The following EXT1 variants were observed in gnomAD, a reference collection of about 807,000 sequenced individuals.
EXT1 encodes the protein exostosin glycosyltransferase 1.
A neutral mutation model predicts 82.5 loss-of-function variants in EXT1; 20 were observed. The ratio of observed to expected loss-of-function variants is 0.24; its 90% CI spans 0.17 to 0.35. The LOEUF (loss-of-function observed/expected upper bound fraction) is 0.35, where lower values mean the gene tolerates loss of function less well. Ranked by LOEUF, EXT1 falls within the 10% of genes least tolerant of loss-of-function variation. EXT1 has a pLI of 1.00. For missense variants in EXT1, 757 were observed against 936.5 expected, an observed-to-expected ratio of 0.81 and a Z score of 2.50; for synonymous variants, 348 against 350.8, an observed-to-expected ratio of 0.99 and a Z score of 0.09.
rs1483637576 is a variant in EXT1, at chr8:117,914,502, C to T, written c.963-77301G>A. 6.7e-4 allele frequency among the ~76,000 whole-genome samples: 102 copies of T among 152,188 alleles called. 2 individuals carry two copies. ...TGGGCAAAAAGAGCCATATTTTTCT[C>T]TTTGCAGAGAGCCTATAAATGGACG... On this transcript the variant is annotated intron_variant, in intron 1 of 10. Transcript: ENST00000378204.
chr8:118,070,102 T>C (rs140733823), intron 1 of EXT1, among the ~76,000 whole-genome samples: 20 of 152,258 alleles, frequency 1.3e-4, no homozygotes, highest in Non-Finnish European at 2.8e-4. Context: ...TTCAGCAAAT[T>C]TGATTTATAC....
intron 1 of EXT1, among the ~76,000 whole-genome samples, chr8:117,888,596 C>T (rs900749675): frequency 1.3e-5 from 2 of 152,150 alleles, no homozygotes; most frequent in Non-Finnish European, 2.9e-5. Flanking sequence ...ACCCAGGAAC[C>T]TCACCATTTT....
At chr8:117,839,730 C>T (rs921120137) in intron 1 of EXT1, among the ~76,000 whole-genome samples, 1 of 152,222 alleles carries the variant, frequency 6.6e-6, no homozygotes, top group Non-Finnish European at 1.5e-5. Context: ...TTGATCCTCT[C>T]CTACTCAGCC....
intron 1 of EXT1, among the ~76,000 whole-genome samples, chr8:118,101,746 A>C (rs758856470): frequency 2.6e-5 from 4 of 152,146 alleles, no homozygotes; most frequent in Admixed American, 1.3e-4. Context: ...AACACCTACA[A>C]ATGTTTATCT....
intron 1 of EXT1, among the ~76,000 whole-genome samples, chr8:118,093,577 C>A (rs1162950338): frequency 6.6e-6 from 1 of 152,160 alleles, no homozygotes; most frequent in Non-Finnish European, 1.5e-5. Flanking sequence ...ACAGATGACC[C>A]AATGACAGCA....
intron 3 of EXT1, among the ~76,000 whole-genome samples, chr8:117,832,237 A>G (rs1812112789): frequency 6.6e-6 from 1 of 152,186 alleles, no homozygotes; most frequent in African/African-American, 2.4e-5. Context: ...TATTAGAAAA[A>G]TGCCTAAGGC....
At chr8:117,922,148 C>T (rs1441354424) in intron 1 of EXT1, among the ~76,000 whole-genome samples, 12 of 152,098 alleles carry the variant, frequency 7.9e-5, no homozygotes, top group Admixed American at 7.9e-4. Context: ...CTTCCTGAAA[C>T]TGTCATGGGC....
chr8:117,990,004 T>C (rs1244597754), intron 1 of EXT1, among the ~76,000 whole-genome samples: 5 of 151,924 alleles, frequency 3.3e-5, no homozygotes, highest in Non-Finnish European at 7.4e-5. Flanking sequence ...AAACACTGGG[T>C]CTACTAAAAA....
At chr8:117,880,101 T>A (rs1813035199) in intron 1 of EXT1, among the ~76,000 whole-genome samples, 1 of 152,188 alleles carries the variant, frequency 6.6e-6, no homozygotes, top group Non-Finnish European at 1.5e-5. Context: ...ACAACCTCTA[T>A]AACCTAAACA....
intron 1 of EXT1, among the ~76,000 whole-genome samples, chr8:117,866,793 CA>C (rs10709657): frequency 0.12 from 11,355 of 91,820 alleles, 435 homozygotes; most frequent in East Asian, 0.38. Context: ...CTGGCCTACC[CA>C]AAAAAAAAAA....
At chr8:118,039,414 G>A (rs1816485611) in intron 1 of EXT1, among the ~76,000 whole-genome samples, 1 of 151,770 alleles carries the variant, frequency 6.6e-6, no homozygotes. Flanking sequence ...ACAAAAATTG[G>A]CTGGGCCTAA....
intron 1 of EXT1, among the ~76,000 whole-genome samples, chr8:117,988,406 A>G (rs929943315): frequency 6.6e-6 from 1 of 150,920 alleles, no homozygotes; most frequent in African/African-American, 2.4e-5. Context: ...GCCCAGTCCA[A>G]GTGATTCTGA....
At chr8:117,875,948 T>C (rs1408921028) in intron 1 of EXT1, among the ~76,000 whole-genome samples, 2 of 152,130 alleles carry the variant, frequency 1.3e-5, no homozygotes, top group African/African-American at 4.8e-5. Context: ...AAAAGAGAAA[T>C]GCTGAAGACT....
chr8:117,955,075 T>C (rs904598666), intron 1 of EXT1, among the ~76,000 whole-genome samples: 19 of 152,138 alleles, frequency 1.2e-4, no homozygotes, highest in African/African-American at 4.1e-4. Context: ...TTACTATTAC[T>C]GATTTATTAA....
intron 8 of EXT1, among the ~76,000 whole-genome samples, chr8:117,811,971 C>T (rs1297877751): frequency 6.6e-6 from 1 of 152,118 alleles, no homozygotes; most frequent in Non-Finnish European, 1.5e-5. Flanking sequence ...TGAGTCTTGG[C>T]TCTGTGGGCA....
intron 1 of EXT1, among the ~76,000 whole-genome samples, chr8:117,996,456 A>C (rs996119636): frequency 7.2e-5 from 11 of 152,196 alleles, no homozygotes; most frequent in African/African-American, 2.7e-4. Flanking sequence ...GCATATTTTC[A>C]TCACACAGAA....
chr8:117,857,236 A>G (rs923039080), intron 1 of EXT1, among the ~76,000 whole-genome samples: 5 of 152,194 alleles, frequency 3.3e-5, no homozygotes, highest in African/African-American at 4.8e-5. Flanking sequence ...CTAACACAAC[A>G]CCCACTCTGC....
At chr8:117,900,785 C>T (rs530523904) in intron 1 of EXT1, among the ~76,000 whole-genome samples, 1 of 152,238 alleles carries the variant, frequency 6.6e-6, no homozygotes, top group East Asian at 1.9e-4. Flanking sequence ...TTGATGGCTC[C>T]TGGGACTAAG....
At chr8:118,030,155 C>T (rs934419398) in intron 1 of EXT1, among the ~76,000 whole-genome samples, 2 of 152,008 alleles carry the variant, frequency 1.3e-5, no homozygotes, top group Non-Finnish European at 2.9e-5. Flanking sequence ...CTTTCCACCA[C>T]CCTCAAATAA....
Sources: allele counts gnomAD v4.1 joint callset (sites outside exome capture counted in the v4.1 genomes callset), GRCh38; gene constraint gnomAD v4.1.1; transcripts MANE v1.5; gene names NCBI Gene and HGNC (gene_info 2026-07-23, HGNC 2026-07-21).